Variants in NUP160 observed in about 807,000 individuals in gnomAD.
NUP160 encodes the protein nuclear pore complex protein Nup160.
Under a neutral mutation model 196.9 loss-of-function variants are expected in NUP160, and 94 were observed. That is an observed-to-expected ratio of 0.48 (90% CI 0.40 to 0.57). NUP160 has a LOEUF of 0.57. Ranked by LOEUF, NUP160 falls within the 20% of genes least tolerant of loss-of-function variation. NUP160 has a pLI of 0.00. For missense variants in NUP160, 1,638 were observed against 1,748.3 expected (o/e 0.94, Z 1.13); for synonymous variants, 605 against 619.7 (o/e 0.98, Z 0.35).
chr11:47,792,502 G>T, intron 28 of NUP160: 1 of 303,408 alleles, frequency 3.3e-6, no homozygotes, highest in Non-Finnish European at 6.1e-6. Flanking sequence ...CGTATTTTAT[G>T]CCAGAGAATG....
chr11:47,794,772 C>A (rs1468666772), intron 27 of NUP160, among the ~76,000 whole-genome samples: 2 of 151,694 alleles, frequency 1.3e-5, no homozygotes, highest in Admixed American at 1.3e-4. Context: ...AATTGTCGAG[C>A]GTGGTGGTGC....
chr11:47,792,997 T>C (rs1565189448), intron 27 of NUP160, 51 bp from the exon 28 acceptor site: 1 of 1,540,176 alleles, frequency 6.5e-7, no homozygotes, highest in Non-Finnish European at 8.8e-7. Context: ...TTTTTTTTCT[T>C]TTTTTTGGAG....
intron 27 of NUP160, among the ~76,000 whole-genome samples, chr11:47,795,052 A>T (rs1759371753): frequency 6.6e-6 from 1 of 152,158 alleles, no homozygotes; most frequent in Admixed American, 6.6e-5. Flanking sequence ...GTGAGCCGAG[A>T]TCGAGACACT....
At chr11:47,779,119 G>C in exon 36 of NUP160, 1 of 1,613,170 alleles carries the variant, frequency 6.2e-7, no homozygotes, top group Non-Finnish European at 8.5e-7. Flanking sequence ...AAGGTCCGAC[G>C]ATATAATAAA....
At chr11:47,792,039 C>G (rs1423696659) in intron 28 of NUP160, 49 bp from the exon 29 acceptor site, 1 of 1,274,902 alleles carries the variant, frequency 7.8e-7, no homozygotes, top group Admixed American at 2.1e-5. Context: ...GTATTTTATT[C>G]TGATATCATT....
chr11:47,835,914 G>T, intron 6 of NUP160, 105 bp from the exon 7 acceptor site: 1 of 915,730 alleles, frequency 1.1e-6, no homozygotes, highest in Non-Finnish European at 1.6e-6. Flanking sequence ...GCTCTATCTA[G>T]TTTATCTGCT....
chr11:47,792,934 A>T, exon 28 of NUP160: 2 of 1,612,396 alleles, frequency 1.2e-6, no homozygotes, highest in South Asian at 1.1e-5. Context: ...ATACTCAAAC[A>T]TCACTGTGCC....
intron 27 of NUP160, 110 bp from the exon 28 acceptor site, chr11:47,793,056 A>G (rs1276736424): frequency 2.3e-5 from 19 of 820,396 alleles, no homozygotes; most frequent in Non-Finnish European, 1.9e-5. Flanking sequence ...GCTTGATCTC[A>G]GCTCACTGCA....
intron 7 of NUP160, chr11:47,827,075 G>A (rs1565204795): frequency 2.2e-6 from 1 of 455,864 alleles, no homozygotes; most frequent in Admixed American, 2.4e-5. Context: ...GGGCACTTAC[G>A]AAAAATTCAG....
chr11:47,782,274 A>T (rs1599300464), intron 34 of NUP160, among the ~76,000 whole-genome samples: 1 of 131,304 alleles, frequency 7.6e-6, no homozygotes, highest in East Asian at 2.2e-4. Flanking sequence ...CTTGGGCAAC[A>T]GAGCAAAACT....
At chr11:47,847,876 A>C (rs750722505) in exon 2 of NUP160, 2 of 1,613,884 alleles carry the variant, frequency 1.2e-6, no homozygotes, top group South Asian at 2.2e-5. Context: ...CTGGTTACGG[A>C]GAACAACTTG....
At chr11:47,840,229 C>T in intron 3 of NUP160, 149 bp downstream of exon 3, 2 of 843,156 alleles carry the variant, frequency 2.4e-6, no homozygotes, top group Non-Finnish European at 3.9e-6. Context: ...TATGCCTGAT[C>T]ATTTTAAGCG....
At chr11:47,803,504 T>C (rs749576569) in exon 22 of NUP160, 2 of 1,611,708 alleles carry the variant, frequency 1.2e-6, no homozygotes, top group Non-Finnish European at 1.7e-6. Context: ...CAACATTGAC[T>C]TGACACCAGG....
chr11:47,843,232 C>T (rs1852339343), intron 2 of NUP160, among the ~76,000 whole-genome samples: 1 of 152,058 alleles, frequency 6.6e-6, no homozygotes, highest in African/African-American at 2.4e-5. Context: ...CTCACAATTC[C>T]TCTCCTCCCT....
intron 7 of NUP160, among the ~76,000 whole-genome samples, chr11:47,824,866 C>T (rs1045386405): frequency 1.5e-4 from 23 of 151,528 alleles, no homozygotes; most frequent in South Asian, 2.1e-4. Flanking sequence ...GATGGAGTCT[C>T]GCACTGTCGC....
At chr11:47,847,566 TA>T (rs772834348) in intron 2 of NUP160, among the ~76,000 whole-genome samples, 46 of 148,978 alleles carry the variant, frequency 3.1e-4, no homozygotes, top group Non-Finnish European at 6.2e-4. Context: ...GGTTCATGTT[TA>T]AAATTGGTCT....
rs1565203496 is a variant in NUP160, at chr11:47,824,045, A to ATATATATATG, written c.1102-1882_1102-1881insCATATATATA. On this transcript the variant is annotated intron_variant, in intron 7 of 35. Coordinates refer to ENST00000378460, the Ensembl canonical transcript of NUP160. ...TATATATATATATATATATATATAT[A>ATATATATATG]TATATATACACACACACATAGAAGT... is the stretch of plus-strand genomic sequence containing the variant. 4.0e-4 allele frequency among the ~76,000 whole-genome samples: 39 copies of ATATATATATG among 98,338 alleles called. 1 individual carries two copies. The highest frequency in any genetic ancestry group is 1.5e-3 in the East Asian group (5 of 3,330). The allele number at this position is 98,338 out of a possible 152,430, so 64.5% of individuals were successfully genotyped here.
In NUP160 at chr11:47,789,674, T is replaced by C. The variant is rs1303017578; in HGVS notation, c.3512-1063A>G. On this transcript the variant is annotated intron_variant, in intron 29 of 35. Coordinates refer to ENST00000378460, the Ensembl canonical transcript of NUP160. Reference sequence around the variant, plus strand: ...TATTTTTACAGCAATGTAATTATTATATATAATATATAGTATATAACGTTA... The same window carrying C: ...TATTTTTACAGCAATGTAATTATTACATATAATATATAGTATATAACGTTA... 5.3e-5 allele frequency among the ~76,000 whole-genome samples: 8 copies of C among 151,818 alleles called. No individual in the cohort carries two copies. In the East Asian group the frequency reaches 1.3e-3, roughly 26 times the overall value.
intron 4 of NUP160, 76 bp downstream of exon 4, chr11:47,839,767 G>C: frequency 8.2e-7 from 1 of 1,221,604 alleles, no homozygotes; most frequent in East Asian, 2.3e-5. Flanking sequence ...TCCCTGCATT[G>C]GATGACGAGG....
Sources: allele counts gnomAD v4.1 joint callset (sites outside exome capture counted in the v4.1 genomes callset), GRCh38; gene constraint gnomAD v4.1.1; transcripts MANE v1.5; gene names NCBI Gene and HGNC (gene_info 2026-07-23, HGNC 2026-07-21).